The following PDPR variants were observed in gnomAD, a reference collection of about 807,000 sequenced individuals.
PDPR encodes pyruvate dehydrogenase phosphatase regulatory subunit, mitochondrial.
In PDPR, 50 loss-of-function variants were observed where a neutral mutation model predicts 102.2. That is an observed-to-expected ratio of 0.49 (90% CI 0.39 to 0.62). The LOEUF (loss-of-function observed/expected upper bound fraction) is 0.62. Among genes scored for constraint, PDPR ranks in the 20% least tolerant of loss-of-function variants. The pLI is 0.00. For synonymous variants in PDPR, 259 were observed against 406.0 expected (o/e 0.64, Z 4.35); for missense variants, 625 against 1,098.2 (o/e 0.57, Z 6.09).
chr16:70,142,172 T>C, intron 11 of PDPR, 62 bp from the exon 12 acceptor site: 3 of 1,563,562 alleles, frequency 1.9e-6, no homozygotes, highest in Admixed American at 1.8e-5. Context: ...CTAGTGGACA[T>C]GGGCTACTCA....
In PDPR at chr16:70,153,531, G is replaced by T. The variant is rs767134491; in HGVS notation, c.2193G>T (p.Thr731=). 6.2e-7 allele frequency: 1 copy of T among 1,611,302 alleles called. No homozygotes were observed. Among genetic ancestry groups the T allele is most frequent in the Admixed American group, 1.7e-5 (1 of 59,192 alleles). The change falls in exon 18 of 19, where the codon ACG becomes ACT. Residue 731 remains threonine (T), a synonymous_variant. Coordinates refer to ENST00000288050, the MANE Select transcript of PDPR (RefSeq NM_017990.5). ...FWGQDINNLT[T]PLECGRESRV... is the part of the protein sequence containing the mutation. ...GTCAGGATATAAATAACCTCACCAC[G>T]CCCCTGGAATGTGGACGAGAGTCTC...
chr16:70,126,304 T>G (rs1408352344), intron 3 of PDPR, among the ~76,000 whole-genome samples: 1 of 152,270 alleles, frequency 6.6e-6, no homozygotes, highest in African/African-American at 2.4e-5. Context: ...CGCAAACTTT[T>G]GGGATCAAGG....
chr16:70,136,834 C>T (rs937933956), intron 10 of PDPR, among the ~76,000 whole-genome samples: 1 of 152,214 alleles, frequency 6.6e-6, no homozygotes, highest in African/African-American at 2.4e-5. Context: ...CCTCCACCTC[C>T]TGGGTTCAGG....
chr16:70,157,896 G>T lies in PDPR; in HGVS notation c.*1017G>T. The stretch of plus-strand genomic sequence containing the variant: ...TTTCTCTCCCTTTAGAATAGGGAGG[G>T]GAAGGGATCAGGTGTGTTGTCCTGG... On this transcript the variant is annotated 3_prime_UTR_variant, in exon 19 of 19. Coordinates refer to ENST00000288050, the MANE Select transcript of PDPR (RefSeq NM_017990.5). The T allele has an allele frequency of 6.5e-6, 1 of 154,602 alleles. No homozygotes were observed. 9.6% of individuals were successfully genotyped at this position (154,602 alleles called of 1,614,324 possible).
intron 15 of PDPR, among the ~76,000 whole-genome samples, chr16:70,144,909 T>A (rs1259327039): frequency 1.4e-5 from 2 of 147,106 alleles, no homozygotes; most frequent in Non-Finnish European, 3.0e-5. Flanking sequence ...GAGCCCCAGA[T>A]TGCACCACTG....
chr16:70,153,568 G>C lies in PDPR; in HGVS notation c.2230G>C (p.Glu744Gln), dbSNP rs1966853707. Residue 744 changes from glutamate (E) to glutamine (Q), a missense_variant, in exon 18 of 19, where the codon GAG becomes CAG. Coordinates refer to ENST00000288050, the MANE Select transcript of PDPR (RefSeq NM_017990.5). The stretch of plus-strand genomic sequence containing the variant: ...TGGACGAGAGTCTCGGGTGAAATTA[G>C]AGAAGGTACTGTGTTTACCCAGACT... ...ECGRESRVKL[E>Q]KGMDFIGRDA... is the part of the protein sequence containing the mutation. The C allele has an allele frequency of 6.2e-7, 1 of 1,601,744 alleles. No individual in the cohort carries two copies. The highest frequency in any genetic ancestry group is 1.3e-5 in the African/African-American group (1 of 74,772).
At chr16:70,135,978 A>G (rs1313318170) in intron 9 of PDPR, among the ~76,000 whole-genome samples, 1 of 151,992 alleles carries the variant, frequency 6.6e-6, no homozygotes, top group Non-Finnish European at 1.5e-5. Flanking sequence ...CTGAGGTGAG[A>G]GAGTAGCTTG....
chr16:70,123,335 C>G (rs1272131019), intron 3 of PDPR, among the ~76,000 whole-genome samples: 10 of 152,252 alleles, frequency 6.6e-5, no homozygotes, highest in African/African-American at 2.2e-4. Flanking sequence ...CTCCTGGGCT[C>G]AAGTGATCCT....
rs146377077 is a variant in PDPR at position 70,140,676 on chromosome 16, G to A, written c.1316-1558G>A. 1.4e-3 allele frequency among the ~76,000 whole-genome samples: 212 copies of A among 152,152 alleles called. No homozygotes were observed. The East Asian group carries it at 0.015, about 11-fold the overall frequency. On this transcript the variant is annotated intron_variant, in intron 11 of 18. Transcript: ENST00000288050. ...TAAAAATACAAAAATTTAGCCAGAT[G>A]TGGTGGTACGTGCCTGTGATCCCAG... is the stretch of plus-strand genomic sequence containing the variant.
At chr16:70,137,635 C>T (rs1252025424) in intron 10 of PDPR, among the ~76,000 whole-genome samples, 1 of 152,268 alleles carries the variant, frequency 6.6e-6, no homozygotes, top group African/African-American at 2.4e-5. Context: ...GAACTGAATA[C>T]TTACAAATGG....
At chr16:70,138,111 G>A (rs1327530650) in intron 10 of PDPR, among the ~76,000 whole-genome samples, 2 of 144,234 alleles carry the variant, frequency 1.4e-5, no homozygotes, top group African/African-American at 2.7e-5. Context: ...GCACAATCTC[G>A]GCTCACCACA....
chr16:70,145,291 C>T (rs1213291264), intron 15 of PDPR, among the ~76,000 whole-genome samples: 1 of 152,244 alleles, frequency 6.6e-6, no homozygotes, highest in Non-Finnish European at 1.5e-5. Context: ...GCGCCCGCCA[C>T]CACGCCGGGC....
At chr16:70,147,616 T>C (rs1199051084) in intron 16 of PDPR, 1 of 449,742 alleles carries the variant, frequency 2.2e-6, no homozygotes, top group Non-Finnish European at 4.4e-6. Flanking sequence ...AGGAAGCTGC[T>C]GATTAGAGAG....
At chr16:70,149,048 C>T (rs931949741) in intron 17 of PDPR, among the ~76,000 whole-genome samples, 1 of 151,786 alleles carries the variant, frequency 6.6e-6, no homozygotes, top group African/African-American at 2.4e-5. Flanking sequence ...GCATGTGCCA[C>T]CATGCCTGGC....
intron 17 of PDPR, among the ~76,000 whole-genome samples, chr16:70,148,926 A>T (rs913359254): frequency 2.7e-5 from 4 of 150,704 alleles, no homozygotes; most frequent in Admixed American, 6.7e-5. Context: ...ACAGGGTCTC[A>T]CTCTTTTGCC....
chr16:70,150,155 G>T (rs779372774), intron 17 of PDPR, among the ~76,000 whole-genome samples: 12 of 142,372 alleles, frequency 8.4e-5, no homozygotes, highest in Non-Finnish European at 1.8e-4. Flanking sequence ...CCAGGCTGGA[G>T]TGCGATGACA....
chr16:70,140,287 G>A (rs1213587174), intron 11 of PDPR, among the ~76,000 whole-genome samples: 1 of 152,268 alleles, frequency 6.6e-6, no homozygotes, highest in African/African-American at 2.4e-5. Context: ...GCTGCAGTGA[G>A]CCATGATGGT....
intron 2 of PDPR, among the ~76,000 whole-genome samples, chr16:70,117,819 G>T (rs561546025): frequency 1.3e-5 from 2 of 152,128 alleles, no homozygotes; most frequent in South Asian, 4.1e-4. Flanking sequence ...TAAGGTGGGT[G>T]TGGTGGTTCA....
chr16:70,115,930 A>G (rs755091626), intron 2 of PDPR, among the ~76,000 whole-genome samples: 2 of 151,996 alleles, frequency 1.3e-5, no homozygotes, highest in Non-Finnish European at 2.9e-5. Flanking sequence ...TGCCAACCTT[A>G]TAGGTTTAGG....
Sources: allele counts gnomAD v4.1 joint callset (sites outside exome capture counted in the v4.1 genomes callset), GRCh38; gene constraint gnomAD v4.1.1; transcripts MANE v1.5; gene names NCBI Gene and HGNC (gene_info 2026-07-23, HGNC 2026-07-21).